The following EFNA5 variants were observed in gnomAD, a reference collection of about 807,000 sequenced individuals.
The protein encoded by EFNA5 is ephrin A5, also known as ephrin-A5.
Under a neutral mutation model 22.9 loss-of-function variants are expected in EFNA5, and 5 were observed. The ratio of observed to expected loss-of-function variants is 0.22; its 90% CI spans 0.11 to 0.46. EFNA5 has a LOEUF of 0.46. EFNA5 is among the 20% of genes least tolerant of loss of function. EFNA5 has a pLI of 0.99. For synonymous variants in EFNA5, 113 were observed against 112.2 expected (o/e 1.01, Z -0.04); for missense variants, 237 against 293.3 (o/e 0.81, Z 1.40).
intron 1 of EFNA5, among the ~76,000 whole-genome samples, chr5:107,469,988 G>T (rs142342320): frequency 2.0e-5 from 3 of 152,024 alleles, no homozygotes; most frequent in South Asian, 2.1e-4. Flanking sequence ...TGCGAACACC[G>T]TTAACAGTAA....
intron 1 of EFNA5, among the ~76,000 whole-genome samples, chr5:107,514,685 G>A (rs1747439709): frequency 6.6e-6 from 1 of 152,070 alleles, no homozygotes; most frequent in East Asian, 1.9e-4. Context: ...ATTCTTCAAA[G>A]GAGGAGAAAC....
intron 2 of EFNA5, among the ~76,000 whole-genome samples, chr5:107,393,703 G>A (rs1165710244): frequency 1.3e-5 from 2 of 152,148 alleles, no homozygotes; most frequent in Admixed American, 1.3e-4. Context: ...TTTTTTCCCT[G>A]TAGGTTTTTC....
At chr5:107,614,884 G>A (rs75518919) in intron 1 of EFNA5, among the ~76,000 whole-genome samples, 5,851 of 152,096 alleles carry the variant, frequency 0.038, 197 homozygotes, top group African/African-American at 0.086. Context: ...TTTTTAAAGT[G>A]ATACAAAAAA....
At chr5:107,562,286 C>A (rs569349583) in intron 1 of EFNA5, among the ~76,000 whole-genome samples, 83 of 152,176 alleles carry the variant, frequency 5.5e-4, no homozygotes, top group Non-Finnish European at 8.8e-4. Flanking sequence ...GTGAAGCCCG[C>A]CTTTTTAGAT....
intron 1 of EFNA5, among the ~76,000 whole-genome samples, chr5:107,623,883 G>A (rs1289723564): frequency 6.6e-6 from 1 of 152,084 alleles, no homozygotes; most frequent in Non-Finnish European, 1.5e-5. Flanking sequence ...GAACAGGGCT[G>A]TATTGTTTCT....
chr5:107,581,395 A>T (rs766538652), intron 1 of EFNA5, among the ~76,000 whole-genome samples: 2 of 152,220 alleles, frequency 1.3e-5, no homozygotes, highest in Admixed American at 6.5e-5. Context: ...AATAACAAAG[A>T]GCAACAGAGA....
intron 1 of EFNA5, among the ~76,000 whole-genome samples, chr5:107,604,237 G>C (rs781736156): frequency 6.6e-6 from 1 of 152,096 alleles, no homozygotes; most frequent in Non-Finnish European, 1.5e-5. Flanking sequence ...TGGGAATACA[G>C]TGGTGTATCA....
chr5:107,551,480 A>G (rs1389579409), intron 1 of EFNA5, among the ~76,000 whole-genome samples: 1 of 152,132 alleles, frequency 6.6e-6, no homozygotes, highest in South Asian at 2.1e-4. Flanking sequence ...TTTTCTAGTA[A>G]TGACATGTTC....
chr5:107,393,229 C>CA (rs1189850770), intron 2 of EFNA5, among the ~76,000 whole-genome samples: 1 of 151,972 alleles, frequency 6.6e-6, no homozygotes, highest in Non-Finnish European at 1.5e-5. Context: ...TTCTTACTAC[C>CA]AAAAAACTCC....
At chr5:107,489,577 A>G (rs1029227771) in intron 1 of EFNA5, among the ~76,000 whole-genome samples, 23 of 152,164 alleles carry the variant, frequency 1.5e-4, no homozygotes, top group Non-Finnish European at 2.8e-4. Context: ...CTAAGTTCAC[A>G]TTCTAAAAGG....
chr5:107,480,623 C>T (rs925283165), intron 1 of EFNA5, among the ~76,000 whole-genome samples: 2 of 152,162 alleles, frequency 1.3e-5, no homozygotes, highest in Non-Finnish European at 2.9e-5. Context: ...TACGTGAATA[C>T]CTGGCTTCCT....
In EFNA5 at chr5:107,463,523, T is replaced by C. The variant is rs550563462; in HGVS notation, c.126-36014A>G. Among the ~76,000 whole-genome samples the C allele has an allele frequency of 1.1e-4, 17 of 152,276 alleles. No homozygotes were observed. The East Asian group carries it at 2.3e-3, about 21-fold the overall frequency. ...AATAAAAACTAGAGACATAGGTACA[T>C]ATTTGTGTATGTGTATATGTAATTT... On this transcript the variant is annotated intron_variant, in intron 1 of 4. Transcript: ENST00000333274.
At chr5:107,638,711 G>C (rs761266128) in intron 1 of EFNA5, among the ~76,000 whole-genome samples, 2 of 152,094 alleles carry the variant, frequency 1.3e-5, no homozygotes, top group Non-Finnish European at 2.9e-5. Context: ...TTGACCATCT[G>C]AGGACTTTGG....
At chr5:107,575,788 A>G (rs1406333667) in intron 1 of EFNA5, among the ~76,000 whole-genome samples, 2 of 152,204 alleles carry the variant, frequency 1.3e-5, no homozygotes, top group African/African-American at 4.8e-5. Context: ...TATAAAGAAA[A>G]AAGACAGCAT....
At chr5:107,422,292 C>T (rs572851511) in intron 2 of EFNA5, among the ~76,000 whole-genome samples, 54 of 152,294 alleles carry the variant, frequency 3.5e-4, no homozygotes, top group African/African-American at 1.1e-3. Context: ...GTTATCCTTA[C>T]TTATTAAACA....
At chr5:107,572,159 A>G (rs918488117) in intron 1 of EFNA5, among the ~76,000 whole-genome samples, 3 of 152,048 alleles carry the variant, frequency 2.0e-5, no homozygotes, top group African/African-American at 7.2e-5. Context: ...TTACTCTGGC[A>G]CCGAGAAACC....
intron 1 of EFNA5, 114 bp from the exon 2 acceptor site, chr5:107,427,623 T>A: frequency 1.1e-6 from 1 of 887,380 alleles, no homozygotes; most frequent in Non-Finnish European, 1.6e-6. Flanking sequence ...TATAGTAAGT[T>A]CTTACTGAAT....
chr5:107,622,662 A>G (rs1409386172), intron 1 of EFNA5, among the ~76,000 whole-genome samples: 1 of 152,046 alleles, frequency 6.6e-6, no homozygotes, highest in East Asian at 1.9e-4. Context: ...CAATATTATT[A>G]TTTTCATTTT....
chr5:107,415,613 C>T (rs1290806164), intron 2 of EFNA5, among the ~76,000 whole-genome samples: 1 of 152,148 alleles, frequency 6.6e-6, no homozygotes, highest in African/African-American at 2.4e-5. Context: ...GCCAAGATCC[C>T]CTCTGTGTAA....
Sources: allele counts gnomAD v4.1 joint callset (sites outside exome capture counted in the v4.1 genomes callset), GRCh38; gene constraint gnomAD v4.1.1; transcripts MANE v1.5; gene names NCBI Gene and HGNC (gene_info 2026-07-23, HGNC 2026-07-21).